SMIM24: variants seen among roughly 807,000 people sequenced by gnomAD.
The protein encoded by SMIM24 is small integral membrane protein 24, also known as MAP17-related dimer.
SMIM24 carries 6 observed loss-of-function variants against 10.8 expected under a neutral mutation model. The observed-to-expected ratio is 0.55, with a 90% CI of 0.30 to 1.09. SMIM24 has a LOEUF of 1.09. SMIM24 is among the 50% of genes least tolerant of loss of function. SMIM24 has a pLI of 0.06. For missense variants in SMIM24, 151 were observed against 153.4 expected, an observed-to-expected ratio of 0.98 and a Z score of 0.08; for synonymous variants, 71 against 62.4, an observed-to-expected ratio of 1.14 and a Z score of -0.65.
At chr19:3,478,735 G>T in intron 2 of SMIM24, 83 bp downstream of exon 2, 1 of 1,125,258 alleles carries the variant, frequency 8.9e-7, no homozygotes. Flanking sequence ...CTTTGAGGCT[G>T]GTGATGGGGG....
At chr19:3,479,113 A>T in intron 1 of SMIM24, 184 bp from the exon 2 acceptor site, 26 of 208,264 alleles carry the variant, frequency 1.2e-4, no homozygotes, top group Middle Eastern at 1.1e-3. Flanking sequence ...AGAGAGGGGG[A>T]GGGTACCTTA....
rs928220796 is a variant in SMIM24, at chr19:3,478,454, C to T, written c.204G>A (p.Thr68=). 3.2e-6 allele frequency: 5 copies of T among 1,549,104 alleles called. No individual in the cohort carries two copies. The highest frequency in any genetic ancestry group is 2.7e-5 in the African/African-American group (2 of 72,920). Residue 68 remains threonine (T), a synonymous_variant, in exon 3 of 4, where the codon ACG becomes ACA. Transcript: ENST00000215531. ...KARAEDEEET[T]FRMESNLYQD... is the part of the protein sequence containing the mutation. ...GGTATAGGTTGGACTCCATTCTGAA[C>T]GTGGTCTCCTCCTCGTCCTCAGCCC...
chr19:3,478,072 A>G (rs529700300), intron 3 of SMIM24, among the ~76,000 whole-genome samples: 1 of 152,272 alleles, frequency 6.6e-6, no homozygotes, highest in African/African-American at 2.4e-5. Context: ...TCCAGGCCCA[A>G]TGCTGGGTAT....
Position 3,474,965 on chromosome 19 carries a change from C to G in SMIM24, c.271G>C (p.Glu91Gln). 6.4e-7 allele frequency: 1 copy of G among 1,551,568 alleles called. No individual in the cohort carries two copies. The highest frequency in any genetic ancestry group is 8.7e-7 in the Non-Finnish European group (1 of 1,146,996). The change falls in exon 4 of 4, where the codon GAG (glutamate) becomes CAG (glutamine). Residue 91 changes from glutamate to glutamine, a missense_variant. Physicochemically the swap from Glu to Gln is conservative, Grantham distance 29. Coordinates refer to ENST00000215531, the MANE Select transcript of SMIM24 (RefSeq NM_001136503.2). ...TCCTTCTTCCTCTTCTCTTCTTTCT[C>G]CTTGGCCTCTTTCTTCTCTCTCTTG... is the stretch of plus-strand genomic sequence containing the variant. ...EDKREKKEAK[E>Q]KEEKRKKEKK...
Position 3,478,477 on chromosome 19 carries a change from C to A in SMIM24, c.181G>T (p.Ala61Ser), listed in dbSNP as rs759540118. ...AACGTGGTCTCCTCCTCGTCCTCAG[C>A]CCTGCAGAGATAAAGGGAAAGGTGG... ...ANRLWCSKARAEDEEETTFRM... is the reference protein window; with the variant it reads ...ANRLWCSKARSEDEEETTFRM... Residue 61 changes from alanine to serine, a missense_variant and splice_region_variant, in exon 3 of 4, where the codon GCT (alanine) becomes TCT (serine). Coordinates refer to ENST00000215531, the MANE Select transcript of SMIM24 (RefSeq NM_001136503.2). 98 of 1,547,610 alleles carry A rather than the reference C, an allele frequency of 6.3e-5. No homozygotes were observed. The African/African-American group carries it at 1.3e-3, about 20-fold the overall frequency.
intron 3 of SMIM24, among the ~76,000 whole-genome samples, 167 bp downstream of exon 3, chr19:3,478,252 T>A (rs1049114277): frequency 6.6e-6 from 1 of 152,046 alleles, no homozygotes; most frequent in African/African-American, 2.4e-5. Flanking sequence ...AACCCCTGAC[T>A]AGGGACTGGA....
chr19:3,478,391 A>G (rs1315051079), intron 3 of SMIM24, 28 bp downstream of exon 3: 3 of 1,542,294 alleles, frequency 1.9e-6, no homozygotes, highest in Non-Finnish European at 2.6e-6. Flanking sequence ...GGGTTCACAC[A>G]GACCCCCAGC....
intron 1 of SMIM24, among the ~76,000 whole-genome samples, chr19:3,479,239 T>A (rs1156562866): frequency 7.8e-6 from 1 of 128,930 alleles, no homozygotes; most frequent in African/African-American, 3.0e-5. Context: ...GGGCTTATAA[T>A]GCAGGCAGAG....
intron 1 of SMIM24, among the ~76,000 whole-genome samples, chr19:3,479,292 G>A (rs2082806983): frequency 6.6e-6 from 1 of 150,656 alleles, no homozygotes. Context: ...CAGAAGGGCG[G>A]GGCTTATGAC....
chr19:3,475,465 T>C (rs963695759), intron 3 of SMIM24, among the ~76,000 whole-genome samples: 4 of 145,854 alleles, frequency 2.7e-5, no homozygotes, highest in African/African-American at 1.0e-4. Flanking sequence ...GGATGGATGA[T>C]GGATGGGGGT....
At position 3,478,877 on chromosome 19, in the gene SMIM24, G is replaced by A. The variant is rs1478307979; in HGVS notation, c.120C>T (p.Gly40=). Residue 40 remains glycine (G), a synonymous_variant, in exon 2 of 4, where the codon GGC becomes GGT. Coordinates refer to ENST00000215531, the MANE Select transcript of SMIM24 (RefSeq NM_001136503.2). ...PWLVGLAAVV[G]FLFIVYLVLL... is the part of the protein sequence containing the mutation. ...AGACCAAATAGACGATGAACAGGAA[G>A]CCGACTACCGCAGCCAGGCCCACCA... 8 of 1,549,976 alleles carry A rather than the reference G, an allele frequency of 5.2e-6. No homozygotes were observed. Among genetic ancestry groups the A allele is most frequent in the East Asian group, 2.4e-5 (1 of 40,886 alleles).
intron 1 of SMIM24, among the ~76,000 whole-genome samples, chr19:3,479,896 A>G (rs1176828431): frequency 3.9e-3 from 139 of 35,560 alleles, no homozygotes; most frequent in Admixed American, 5.1e-3. Flanking sequence ...GGATGGGGAG[A>G]GGCTTGTGAA....
Position 3,478,884 on chromosome 19 carries a change from A to AC in SMIM24, c.112dup (p.Val38GlyfsTer25). 6.5e-7 allele frequency: 1 copy of AC among 1,549,866 alleles called. No individual in the cohort carries two copies. The highest frequency in any genetic ancestry group is 2.4e-5 in the East Asian group (1 of 40,886). On this transcript the variant is annotated frameshift_variant, in exon 2 of 4. Coordinates refer to ENST00000215531, the MANE Select transcript of SMIM24 (RefSeq NM_001136503.2). LOFTEE classifies it high-confidence loss of function. ...ATAGACGATGAACAGGAAGCCGACT[A>AC]CCGCAGCCAGGCCCACCAGCCACGG...
chr19:3,476,246 CTG>C (rs2082791689), intron 3 of SMIM24, among the ~76,000 whole-genome samples: 2 of 151,410 alleles, frequency 1.3e-5, no homozygotes, highest in Admixed American at 1.3e-4. Context: ...ATGAATGAGA[CTG>C]TAGGTGGGTG....
chr19:3,479,218 CA>C (rs962231674), intron 1 of SMIM24: 1 of 301,888 alleles, frequency 3.3e-6, no homozygotes, highest in African/African-American at 2.4e-5. Flanking sequence ...CAGGAGGGCT[CA>C]GAAGGGGCGG....
intron 1 of SMIM24, among the ~76,000 whole-genome samples, chr19:3,479,468 C>T (rs542049910): frequency 2.1e-5 from 3 of 141,860 alleles, no homozygotes; most frequent in South Asian, 2.3e-4. Flanking sequence ...GAGGCAGAGG[C>T]TTAGAGGGAG....
rs2082804269 is a variant in SMIM24, at chr19:3,478,816, A to C, written c.179+2T>G. 5 of 1,547,676 alleles carry C rather than the reference A, an allele frequency of 3.2e-6. No individual in the cohort carries two copies. The highest frequency in any genetic ancestry group is 4.4e-6 in the Non-Finnish European group (5 of 1,145,690). On this transcript the variant is annotated splice_donor_variant, in intron 2 of 3. Transcript: ENST00000215531. LOFTEE classifies it high-confidence loss of function. ...GGCAGCGGGGTGGGGGCGGGCACCC[A>C]CCTGGCCTTGGAACACCAGAGGCGG...
chr19:3,478,861 A>ATTC lies in SMIM24; in HGVS notation c.135_136insGAA (p.Val45_Tyr46insGlu). On this transcript the variant is annotated inframe_insertion, in exon 2 of 4. Coordinates refer to ENST00000215531, the MANE Select transcript of SMIM24 (RefSeq NM_001136503.2). Reference sequence around the variant, plus strand: ...AGGCGGTTGGCCAGCAAGACCAAATAGACGATGAACAGGAAGCCGACTACC... The same window carrying ATTC: ...AGGCGGTTGGCCAGCAAGACCAAATATTCGACGATGAACAGGAAGCCGACTACC... 1 of 1,549,836 alleles carries ATTC rather than the reference A, an allele frequency of 6.5e-7. No individual in the cohort carries two copies.
At chr19:3,478,305 C>T (rs1366403008) in intron 3 of SMIM24, 114 bp downstream of exon 3, 1 of 1,005,832 alleles carries the variant, frequency 9.9e-7, no homozygotes, top group Non-Finnish European at 1.4e-6. Flanking sequence ...AGGTGAAGAT[C>T]CCAGGGCAGG....
Sources: gnomAD v4.1 joint callset for allele counts (sites outside exome capture counted in the v4.1 genomes callset) on GRCh38, gnomAD v4.1.1 for gene constraint, MANE v1.5 for transcripts, NCBI Gene and HGNC (gene_info 2026-07-23, HGNC 2026-07-21) for gene names.